KSR2: variants seen among roughly 807,000 people sequenced by gnomAD.
KSR2 encodes the protein kinase suppressor of ras 2.
A neutral mutation model predicts 107.8 loss-of-function variants in KSR2; 25 were observed. The ratio of observed to expected loss-of-function variants is 0.23; its 90% CI spans 0.17 to 0.32. KSR2 has a LOEUF of 0.32. Among genes scored for constraint, KSR2 ranks in the 10% least tolerant of loss-of-function variants. The pLI is 1.00. For missense variants in KSR2, 887 were observed against 1,268.9 expected, an observed-to-expected ratio of 0.70 and a Z score of 4.57; for synonymous variants, 480 against 507.0, an observed-to-expected ratio of 0.95 and a Z score of 0.71.
At chr12:117,880,184 T>C (rs1301374254) in intron 1 of KSR2, among the ~76,000 whole-genome samples, 2 of 152,142 alleles carry the variant, frequency 1.3e-5, no homozygotes, top group African/African-American at 4.8e-5. Flanking sequence ...TTTATATGAA[T>C]AGAACAATAC....
At chr12:117,581,191 C>G (rs1408499877) in intron 6 of KSR2, among the ~76,000 whole-genome samples, 3 of 152,138 alleles carry the variant, frequency 2.0e-5, no homozygotes, top group Admixed American at 1.3e-4. Flanking sequence ...CCATGAGTCC[C>G]CATCGTGAGA....
In KSR2 at chr12:117,793,806, GCA is replaced by G. The variant is rs1423208036; in HGVS notation, c.473-32284_473-32283del. ...ACACCAACATGCACACATGCAACAT[GCA>G]CACACCAACATGCACACTCACACCA... On this transcript the variant is annotated intron_variant, in intron 3 of 19. Coordinates refer to ENST00000339824, the MANE Select transcript of KSR2 (RefSeq NM_173598.6). 4.5e-5 allele frequency among the ~76,000 whole-genome samples: 4 copies of G among 89,292 alleles called. No individual in the cohort carries two copies. The South Asian group carries it at 1.2e-3, about 26-fold the overall frequency. 58.6% of individuals were successfully genotyped at this position (89,292 alleles called of 152,430 possible).
intron 5 of KSR2, among the ~76,000 whole-genome samples, chr12:117,625,725 G>A (rs1250856094): frequency 6.6e-6 from 1 of 152,206 alleles, no homozygotes; most frequent in African/African-American, 2.4e-5. Context: ...CATAAAATGA[G>A]TTAGGGAGGA....
Position 117,466,041 on chromosome 12 carries a change from A to T in KSR2, c.*1158T>A, listed in dbSNP as rs1396908454. On this transcript the variant is annotated 3_prime_UTR_variant, in exon 20 of 20. Transcript: ENST00000339824. ...CACAGGTGAGGGACACAGGCTTCCG[A>T]TGGGGAAGCTACTTGAGGACCCCGC... is the stretch of plus-strand genomic sequence containing the variant. 6.6e-6 allele frequency: 1 copy of T among 152,238 alleles called. No individual in the cohort carries two copies. The highest frequency in any genetic ancestry group is 2.4e-5 in the African/African-American group (1 of 41,406). 9.4% of individuals were successfully genotyped at this position (152,238 alleles called of 1,614,324 possible).
rs75683742 is a variant in KSR2, at chr12:117,478,280, T to C, written c.2451-1685A>G. Among the ~76,000 whole-genome samples, 46 of 152,302 alleles carry C rather than the reference T, an allele frequency of 3.0e-4. No individual in the cohort carries two copies. In the East Asian group the frequency reaches 6.8e-3, roughly 22 times the overall value. ...AATCATGATTTTTGCCATATCTAAA[T>C]ACCTTCAAGAGCAGCATTATGCGAT... On this transcript the variant is annotated intron_variant, in intron 16 of 19. Coordinates refer to ENST00000339824, the MANE Select transcript of KSR2 (RefSeq NM_173598.6).
chr12:117,514,045 G>A (rs1020023696), intron 14 of KSR2, among the ~76,000 whole-genome samples: 2 of 152,174 alleles, frequency 1.3e-5, no homozygotes, highest in Admixed American at 6.5e-5. Context: ...ACTGCCTGCC[G>A]GCAATACTGA....
intron 3 of KSR2, among the ~76,000 whole-genome samples, chr12:117,798,195 T>A (rs564422720): frequency 2.9e-4 from 44 of 152,342 alleles, no homozygotes; most frequent in African/African-American, 1.0e-3. Flanking sequence ...TGGGGCTACC[T>A]GTCCTGAAGG....
intron 1 of KSR2, among the ~76,000 whole-genome samples, chr12:117,867,721 T>G (rs1020452095): frequency 6.6e-6 from 1 of 152,206 alleles, no homozygotes; most frequent in Non-Finnish European, 1.5e-5. Context: ...CAGCCAACTC[T>G]TGCCTGGCTA....
At chr12:117,948,709 A>T (rs2137560816) in intron 1 of KSR2, among the ~76,000 whole-genome samples, 1 of 152,326 alleles carries the variant, frequency 6.6e-6, no homozygotes, top group East Asian at 1.9e-4. Context: ...AAATGCACAC[A>T]CACAAAAAAT....
intron 5 of KSR2, among the ~76,000 whole-genome samples, chr12:117,593,215 G>A (rs1175250986): frequency 1.4e-4 from 21 of 152,184 alleles, no homozygotes; most frequent in Admixed American, 9.2e-4. Flanking sequence ...CCCCTGCCTG[G>A]CTCGGACTTA....
At chr12:117,767,689 G>A (rs1889289162) in intron 3 of KSR2, among the ~76,000 whole-genome samples, 1 of 149,826 alleles carries the variant, frequency 6.7e-6, no homozygotes, top group Admixed American at 6.7e-5. Flanking sequence ...GGAGGCTGAG[G>A]CAGGAGAACG....
chr12:117,513,599 T>C (rs1359151537), intron 14 of KSR2, among the ~76,000 whole-genome samples: 1 of 152,218 alleles, frequency 6.6e-6, no homozygotes, highest in Non-Finnish European at 1.5e-5. Context: ...GTTTGGTGGT[T>C]TGGACAATGA....
chr12:117,703,328 G>A (rs528551233), intron 4 of KSR2, among the ~76,000 whole-genome samples: 1 of 152,138 alleles, frequency 6.6e-6, no homozygotes, highest in African/African-American at 2.4e-5. Flanking sequence ...AGTAGGGTAA[G>A]GTGCATGAGG....
intron 14 of KSR2, among the ~76,000 whole-genome samples, chr12:117,490,970 A>G (rs1445722470): frequency 6.6e-6 from 1 of 152,182 alleles, no homozygotes. Context: ...TTTCAAGTAT[A>G]TAACCTATTG....
chr12:117,808,295 C>T (rs1891077141), intron 3 of KSR2, among the ~76,000 whole-genome samples: 1 of 152,170 alleles, frequency 6.6e-6, no homozygotes, highest in African/African-American at 2.4e-5. Flanking sequence ...GCAAAGCATT[C>T]CAGGTGACTC....
At chr12:117,693,212 G>A (rs1056817722) in intron 4 of KSR2, among the ~76,000 whole-genome samples, 3 of 152,166 alleles carry the variant, frequency 2.0e-5, no homozygotes, top group Non-Finnish European at 4.4e-5. Flanking sequence ...GACCCCCAAA[G>A]TGAACAGAAC....
chr12:117,952,809 C>A (rs1018963472), intron 1 of KSR2, among the ~76,000 whole-genome samples: 6 of 151,718 alleles, frequency 4.0e-5, no homozygotes, highest in Admixed American at 6.6e-5. Context: ...CATGGTGAAA[C>A]CCCCATCTCT....
chr12:117,628,728 C>T (rs181283551), intron 5 of KSR2, among the ~76,000 whole-genome samples: 99 of 152,382 alleles, frequency 6.5e-4, no homozygotes, highest in African/African-American at 2.1e-3. Flanking sequence ...AACCACCGCT[C>T]TCTTCAGAGC....
chr12:117,956,430 T>C (rs1452098709), intron 1 of KSR2, among the ~76,000 whole-genome samples: 2 of 147,522 alleles, frequency 1.4e-5, no homozygotes, highest in Admixed American at 6.9e-5. Context: ...TAGCCAGGTG[T>C]GGTGGCATGT....
Sources: gnomAD v4.1 joint callset for allele counts (sites outside exome capture counted in the v4.1 genomes callset) on GRCh38, gnomAD v4.1.1 for gene constraint, MANE v1.5 for transcripts, NCBI Gene and HGNC (gene_info 2026-07-23, HGNC 2026-07-21) for gene names.